The following NAALADL2 variants were observed in gnomAD, a reference collection of about 807,000 sequenced individuals.
NAALADL2 encodes the protein inactive N-acetylated-alpha-linked acidic dipeptidase-like protein 2.
Under a neutral mutation model 87.2 loss-of-function variants are expected in NAALADL2, and 76 were observed. That is an observed-to-expected ratio of 0.87 (90% CI 0.72 to 1.05). The LOEUF is 1.05. Among genes scored for constraint, NAALADL2 ranks in the 50% least tolerant of loss-of-function variants. NAALADL2 has a pLI of 0.00. For missense variants in NAALADL2, 1,089 were observed against 945.8 expected (o/e 1.15, Z -1.99); for synonymous variants, 354 against 331.0 (o/e 1.07, Z -0.75).
chr3:174,768,106 T>C (rs540047), intron 3 of NAALADL2, among the ~76,000 whole-genome samples: 80,151 of 151,956 alleles, frequency 0.53, 21,526 homozygotes, highest in Middle Eastern at 0.64. Context: ...AAAGAGGTTT[T>C]GGAGAACATA....
At chr3:175,134,585 GA>G (rs1490176798) in intron 2 of NAALADL2, among the ~76,000 whole-genome samples, 4 of 152,142 alleles carry the variant, frequency 2.6e-5, no homozygotes, top group African/African-American at 9.7e-5. Flanking sequence ...TATATAGCAT[GA>G]AAAGACAGGC....
chr3:175,173,045 C>A (rs1485624649), intron 2 of NAALADL2, among the ~76,000 whole-genome samples: 1 of 151,988 alleles, frequency 6.6e-6, no homozygotes. Flanking sequence ...GATCCTGGCA[C>A]TTTGGGAGGC....
At chr3:174,962,953 T>C (rs566691019) in intron 1 of NAALADL2, among the ~76,000 whole-genome samples, 1 of 152,282 alleles carries the variant, frequency 6.6e-6, no homozygotes, top group South Asian at 2.1e-4. Context: ...AATACATATA[T>C]TACCTAATAC....
intron 3 of NAALADL2, among the ~76,000 whole-genome samples, chr3:174,757,453 G>C (rs1484518675): frequency 6.6e-6 from 1 of 151,960 alleles, no homozygotes; most frequent in Non-Finnish European, 1.5e-5. Context: ...AGATGCTTTG[G>C]TTTTCCTCAG....
intron 2 of NAALADL2, among the ~76,000 whole-genome samples, chr3:174,583,535 A>G (rs1029806276): frequency 1.6e-4 from 24 of 152,194 alleles, no homozygotes; most frequent in African/African-American, 5.5e-4. Flanking sequence ...ATTTACAGTA[A>G]GTGTTTTATT....
At position 174,757,331 on chromosome 3, in the gene NAALADL2, GC is replaced by G. The variant is rs138412841; in HGVS notation, c.-9+19586del. Among the ~76,000 whole-genome samples, 170 of 152,264 alleles carry G rather than the reference GC, an allele frequency of 1.1e-3. 2 individuals are homozygous for G. In the East Asian group the frequency reaches 0.03, roughly 26 times the overall value. On this transcript the variant is annotated intron_variant, in intron 3 of 3. Transcript: ENST00000434257. ...ATGGCTGAGGTAGCCAATGAGCAAG[GC>G]TGGGGCATAATTGAGATGAGGAGGT... is the stretch of plus-strand genomic sequence containing the variant.
chr3:175,049,043 C>G lies in NAALADL2; in HGVS notation c.44-47747C>G, dbSNP rs115933661. ...CTCCCTTTATCCATGGGGATACATC[C>G]TAAGAGCCCTCCGCCAGTGGATGCC... On this transcript the variant is annotated intron_variant, in intron 1 of 13. Coordinates refer to ENST00000454872, the MANE Select transcript of NAALADL2 (RefSeq NM_207015.3). Among the ~76,000 whole-genome samples, 759 of 152,218 alleles carry G rather than the reference C, an allele frequency of 5.0e-3. 10 individuals carry two copies. Among genetic ancestry groups the G allele is most frequent in the African/African-American group, 0.018 (739 of 41,536 alleles).
intron 1 of NAALADL2, among the ~76,000 whole-genome samples, chr3:175,024,484 A>G (rs1347257255): frequency 3.3e-5 from 5 of 152,138 alleles, no homozygotes; most frequent in African/African-American, 1.2e-4. Flanking sequence ...ATGATATCTT[A>G]AAGAGAAAAT....
chr3:174,506,536 T>C (rs1241570071), intron 1 of NAALADL2, among the ~76,000 whole-genome samples: 1 of 152,192 alleles, frequency 6.6e-6, no homozygotes, highest in African/African-American at 2.4e-5. Flanking sequence ...GCATCTGATA[T>C]TGATAAACAT....
chr3:174,783,877 A>G (rs1048353222), intron 3 of NAALADL2, among the ~76,000 whole-genome samples: 1 of 152,112 alleles, frequency 6.6e-6, no homozygotes, highest in African/African-American at 2.4e-5. Context: ...AAATGCTCCC[A>G]GGTGATACTG....
At chr3:175,022,021 G>A (rs1233996113) in intron 1 of NAALADL2, among the ~76,000 whole-genome samples, 1 of 151,884 alleles carries the variant, frequency 6.6e-6, no homozygotes. Flanking sequence ...ATTAGTACAG[G>A]TGAGATCTGG....
At chr3:174,558,402 T>G (rs538054657) in intron 2 of NAALADL2, among the ~76,000 whole-genome samples, 1 of 152,150 alleles carries the variant, frequency 6.6e-6, no homozygotes, top group African/African-American at 2.4e-5. Flanking sequence ...TATTACATTG[T>G]AATATATAAT....
intron 3 of NAALADL2, among the ~76,000 whole-genome samples, chr3:174,766,959 G>A (rs1713878825): frequency 2.0e-5 from 3 of 152,158 alleles, no homozygotes; most frequent in South Asian, 4.1e-4. Flanking sequence ...CAATTCCTGG[G>A]TGTGCCATTC....
At chr3:174,833,259 C>T (rs961415213) in intron 3 of NAALADL2, among the ~76,000 whole-genome samples, 20 of 152,112 alleles carry the variant, frequency 1.3e-4, no homozygotes, top group African/African-American at 4.6e-4. Flanking sequence ...TCTGTTAGGT[C>T]TCTGGAAAGT....
At chr3:174,769,622 G>T (rs1232523665) in intron 3 of NAALADL2, among the ~76,000 whole-genome samples, 1 of 149,984 alleles carries the variant, frequency 6.7e-6, no homozygotes, top group Non-Finnish European at 1.5e-5. Context: ...TATATGATTT[G>T]CCCTCTATCA....
chr3:174,480,042 G>A (rs1393359713), intron 1 of NAALADL2, among the ~76,000 whole-genome samples: 1 of 152,046 alleles, frequency 6.6e-6, no homozygotes, highest in Non-Finnish European at 1.5e-5. Flanking sequence ...CATAAAACCA[G>A]TTAGTAAAGA....
intron 11 of NAALADL2, among the ~76,000 whole-genome samples, chr3:175,628,405 G>A (rs535608059): frequency 6.6e-6 from 1 of 151,288 alleles, no homozygotes; most frequent in Non-Finnish European, 1.5e-5. Context: ...TGTGAAATGT[G>A]TGTATTTTTA....
chr3:175,475,367 A>T (rs1474831692), intron 9 of NAALADL2, among the ~76,000 whole-genome samples: 1 of 152,198 alleles, frequency 6.6e-6, no homozygotes, highest in Non-Finnish European at 1.5e-5. Context: ...TAAAATTAAG[A>T]TGCAAAACAA....
At chr3:174,815,622 A>G (rs1471411142) in intron 3 of NAALADL2, among the ~76,000 whole-genome samples, 1 of 152,128 alleles carries the variant, frequency 6.6e-6, no homozygotes, top group Non-Finnish European at 1.5e-5. Context: ...TCTTATAAGG[A>G]TAACAGTTAC....
Sources: allele counts gnomAD v4.1 joint callset (sites outside exome capture counted in the v4.1 genomes callset), GRCh38; gene constraint gnomAD v4.1.1; transcripts MANE v1.5; gene names NCBI Gene and HGNC (gene_info 2026-07-23, HGNC 2026-07-21).